Variants in SMOC2 observed in about 807,000 individuals in gnomAD.
SMOC2 encodes the protein SPARC-related modular calcium-binding protein 2.
SMOC2 carries 39 observed loss-of-function variants against 61.4 expected under a neutral mutation model. The ratio of observed to expected loss-of-function variants is 0.64; its 90% CI spans 0.49 to 0.83. The LOEUF (loss-of-function observed/expected upper bound fraction) is 0.83. SMOC2 is among the 40% of genes least tolerant of loss of function. The pLI, the probability that SMOC2 is intolerant of heterozygous loss-of-function variation, is 0.00. For synonymous variants in SMOC2, 247 were observed against 239.9 expected (o/e 1.03, Z -0.27); for missense variants, 556 against 592.9 (o/e 0.94, Z 0.65).
intron 7 of SMOC2, among the ~76,000 whole-genome samples, chr6:168,582,135 C>T (rs1443994006): frequency 1.3e-5 from 2 of 152,158 alleles, no homozygotes; most frequent in African/African-American, 4.8e-5. Flanking sequence ...GGGAGCTAAA[C>T]GGTGGTTATT....
rs189933669 is a variant in SMOC2 at position 168,460,271 on chromosome 6, G to A, written c.84+18817G>A. 1.4e-3 allele frequency among the ~76,000 whole-genome samples: 215 copies of A among 152,182 alleles called. 2 individuals carry two copies. The highest frequency in any genetic ancestry group is 0.014 in the Middle Eastern group (4 of 294). On this transcript the variant is annotated intron_variant, in intron 1 of 12. Coordinates refer to ENST00000356284, the MANE Select transcript of SMOC2 (RefSeq NM_001166412.2). ...GCAGTTGCTTAGAAAGAAATTATGGGATATCCTTCTAAGGTAATTAAAGGA... is the reference window on the plus strand; with the variant it reads ...GCAGTTGCTTAGAAAGAAATTATGGAATATCCTTCTAAGGTAATTAAAGGA...
intron 7 of SMOC2, among the ~76,000 whole-genome samples, chr6:168,578,737 A>G (rs1030752352): frequency 2.0e-5 from 3 of 152,244 alleles, no homozygotes; most frequent in Non-Finnish European, 4.4e-5. Context: ...ACCTCATGTC[A>G]TGAATTTGCT....
At chr6:168,441,600 G>A (rs1478660831) in intron 1 of SMOC2, 146 bp downstream of exon 1, 14 of 1,201,136 alleles carry the variant, frequency 1.2e-5, no homozygotes, top group Non-Finnish European at 1.5e-5. Context: ...TTCGCCTGCC[G>A]GCGAGGCTGG....
intron 7 of SMOC2, among the ~76,000 whole-genome samples, chr6:168,551,773 T>G (rs1243067641): frequency 6.6e-6 from 1 of 152,180 alleles, no homozygotes; most frequent in Non-Finnish European, 1.5e-5. Context: ...AAATGTACAT[T>G]TTTTTAAGCC....
Position 168,544,275 on chromosome 6 carries a change from C to G in SMOC2, c.511+603C>G, listed in dbSNP as rs909369695. ...CGGCCAACACCCTTCAGTACCAGGACACATTTCTGCTTTTCTCTTACATCA... is the reference window on the plus strand; with the variant it reads ...CGGCCAACACCCTTCAGTACCAGGAGACATTTCTGCTTTTCTCTTACATCA... On this transcript the variant is annotated intron_variant, in intron 5 of 12. Transcript: ENST00000356284. The surrounding 1 kb of genome is among the most constrained non-coding windows in gnomAD (Gnocchi z 4.1). Among the ~76,000 whole-genome samples the G allele has an allele frequency of 1.3e-5, 2 of 152,168 alleles. 1 individual carries two copies. Among genetic ancestry groups the G allele is most frequent in the South Asian group, 4.1e-4 (2 of 4,830 alleles).
intron 7 of SMOC2, among the ~76,000 whole-genome samples, chr6:168,558,390 C>G (rs938783166): frequency 6.6e-6 from 1 of 152,170 alleles, no homozygotes; most frequent in African/African-American, 2.4e-5. Context: ...TGTGCTCACT[C>G]CTCCTCCTGC....
In SMOC2 at chr6:168,590,583, G is replaced by C. The variant is rs189008853; in HGVS notation, c.638-8235G>C. Among the ~76,000 whole-genome samples the C allele has an allele frequency of 3.5e-5, 5 of 144,410 alleles. No individual in the cohort carries two copies. The Admixed American group carries it at 3.5e-4, about 10-fold the overall frequency. The allele number at this position is 144,410 out of a possible 152,430, so 94.7% of individuals were successfully genotyped here. A position where few individuals can be genotyped will look rare whatever the true frequency, so the allele number is the denominator to read the frequency against. On this transcript the variant is annotated intron_variant, in intron 7 of 12. Coordinates refer to ENST00000356284, the MANE Select transcript of SMOC2 (RefSeq NM_001166412.2). Reference sequence around the variant, plus strand: ...AAATGTTGATGCAAAGCCCCTAAGCGTGTGAGCTTGCCAAAAAACTTAAAA... The same window carrying C: ...AAATGTTGATGCAAAGCCCCTAAGCCTGTGAGCTTGCCAAAAAACTTAAAA...
rs1362066361 is a variant in SMOC2 at position 168,667,225 on chromosome 6, C to G, written c.*787C>G. 1.3e-5 allele frequency: 2 copies of G among 152,162 alleles called. No homozygotes were observed. Among genetic ancestry groups the G allele is most frequent in the Non-Finnish European group, 2.9e-5 (2 of 68,074 alleles). 9.4% of individuals were successfully genotyped at this position (152,162 alleles called of 1,614,324 possible). A position where few individuals can be genotyped will look rare whatever the true frequency, so the allele number is the denominator to read the frequency against. ...GGCCCATCCTTCCAAAATGTAAATC[C>G]AGTCGCGGTGTGACCGAGCTGGCTA... On this transcript the variant is annotated 3_prime_UTR_variant, in exon 13 of 13. Transcript: ENST00000356284.
rs767802739 is a variant in SMOC2, at chr6:168,510,068, T to C, written c.238T>C (p.Tyr80His). ...KCKDPQLEIA[Y>H]RGNCKDVSRC... ...CAAAGATCCCCAGCTAGAGATTGCA[T>C]ATCGAGGAAACTGCAAAGGTAAGCT... Residue 80 changes from tyrosine (Y) to histidine (H), a missense_variant, in exon 2 of 13, where the codon TAT becomes CAT. Tyr to His is a moderately conservative substitution (Grantham distance 83, BLOSUM62 2). Transcript: ENST00000356284. The C allele has an allele frequency of 3.7e-6, 6 of 1,614,112 alleles. 1 individual carries two copies. In the South Asian group the frequency reaches 6.6e-5, roughly 18 times the overall value.
At chr6:168,645,035 A>G (rs1388110691) in intron 9 of SMOC2, among the ~76,000 whole-genome samples, 2 of 152,246 alleles carry the variant, frequency 1.3e-5, no homozygotes, top group African/African-American at 4.8e-5. Context: ...GTTTATAATC[A>G]ATAAAGGAAC....
At chr6:168,461,581 C>T (rs556373638) in intron 1 of SMOC2, among the ~76,000 whole-genome samples, 5 of 152,108 alleles carry the variant, frequency 3.3e-5, no homozygotes, top group East Asian at 1.9e-4. Context: ...TTAATTTTTT[C>T]GTTTAATATT....
chr6:168,595,356 A>G (rs1785298747), intron 7 of SMOC2, among the ~76,000 whole-genome samples: 1 of 152,188 alleles, frequency 6.6e-6, no homozygotes, highest in East Asian at 1.9e-4. Context: ...GTGGTGACAC[A>G]GGACCTGTCA....
intron 12 of SMOC2, chr6:168,664,809 C>T (rs1787618561): frequency 2.1e-6 from 1 of 470,986 alleles, no homozygotes; most frequent in Admixed American, 2.3e-5. Flanking sequence ...AGAAGATAAA[C>T]ATGAGTGGGT....
intron 1 of SMOC2, among the ~76,000 whole-genome samples, chr6:168,463,288 G>A (rs1421266100): frequency 6.6e-6 from 1 of 152,168 alleles, no homozygotes; most frequent in Non-Finnish European, 1.5e-5. Flanking sequence ...GAAAGCGCTG[G>A]CTGTGGCGAA....
intron 1 of SMOC2, among the ~76,000 whole-genome samples, chr6:168,500,720 G>A (rs773268155): frequency 6.6e-5 from 10 of 152,146 alleles, no homozygotes; most frequent in Admixed American, 2.0e-4. Flanking sequence ...AGGAGGTACC[G>A]TCCATGGGCT....
Position 168,452,723 on chromosome 6 carries a change from C to A in SMOC2, c.84+11269C>A, listed in dbSNP as rs1781492272. Among the ~76,000 whole-genome samples, 1 of 152,188 alleles carries A rather than the reference C, an allele frequency of 6.6e-6. No homozygotes were observed. Among genetic ancestry groups the A allele is most frequent in the Non-Finnish European group, 1.5e-5 (1 of 68,044 alleles). ...TTAGATTTGTACACCATTCCTAGTC[C>A]CTTCCCTCATTTCTACTACCTTTTA... is the stretch of plus-strand genomic sequence containing the variant. On this transcript the variant is annotated intron_variant, in intron 1 of 12. Coordinates refer to ENST00000356284, the MANE Select transcript of SMOC2 (RefSeq NM_001166412.2). This position sits in a 1 kb window ranked among gnomAD's most constrained non-coding sequence, Gnocchi z 5.0.
intron 1 of SMOC2, among the ~76,000 whole-genome samples, chr6:168,498,020 A>T (rs1159304684): frequency 1.3e-5 from 2 of 152,130 alleles, no homozygotes; most frequent in African/African-American, 4.8e-5. Flanking sequence ...CGCTGCCCAT[A>T]CAGGGGAGCC....
chr6:168,544,753 G>C lies in SMOC2; in HGVS notation c.511+1081G>C, dbSNP rs1046111105. The stretch of plus-strand genomic sequence containing the variant: ...TTCTGCATGTGTGGAAACTGTGGTG[G>C]GGCCCATCCCTGCCCTGGAAGATCC... On this transcript the variant is annotated intron_variant, in intron 5 of 12. Transcript: ENST00000356284. This position sits in a 1 kb window ranked among gnomAD's most constrained non-coding sequence, Gnocchi z 4.1. 1.2e-4 allele frequency among the ~76,000 whole-genome samples: 18 copies of C among 152,144 alleles called. No individual in the cohort carries two copies. Among genetic ancestry groups the C allele is most frequent in the African/African-American group, 4.3e-4 (18 of 41,422 alleles).
rs1210789731 is a variant in SMOC2 at position 168,599,229 on chromosome 6, GTCTC to G, written c.824+230_824+233del. On this transcript the variant is annotated intron_variant, in intron 8 of 12. Coordinates refer to ENST00000356284, the MANE Select transcript of SMOC2 (RefSeq NM_001166412.2). ...ACACTCATACCCACACACACCCATG[GTCTC>G]TCTCACACACACCCACACACATACC... Among the ~76,000 whole-genome samples, 443 of 70,880 alleles carry G rather than the reference GTCTC, an allele frequency of 6.3e-3. 12 individuals are homozygous for G. The highest frequency in any genetic ancestry group is 0.023 in the Middle Eastern group (2 of 86). The allele number at this position is 70,880 out of a possible 152,430, so 46.5% of individuals were successfully genotyped here. A position where few individuals can be genotyped will look rare whatever the true frequency, so the allele number is the denominator to read the frequency against.
Sources: gnomAD v4.1 joint callset for allele counts (sites outside exome capture counted in the v4.1 genomes callset) on GRCh38, gnomAD v4.1.1 for gene constraint, Gnocchi (gnomAD v3.1) non-coding constraint, MANE v1.5 for transcripts, NCBI Gene and HGNC (gene_info 2026-07-23, HGNC 2026-07-21) for gene names.